The following NR2F1-AS1 variants were observed in gnomAD, a reference collection of about 807,000 sequenced individuals.
NR2F1-AS1 encodes the protein NR2F1 regulatory antisense RNA 1, also known as NR2F1 antisense RNA 1.
rs76326922 is a variant in NR2F1-AS1 at position 93,567,225 on chromosome 5, C to T, written n.314-3762G>A. Among the ~76,000 whole-genome samples, 398 of 152,068 alleles carry T rather than the reference C, an allele frequency of 2.6e-3. 2 individuals carry two copies. The highest frequency in any genetic ancestry group is 9.0e-3 in the African/African-American group (373 of 41,530). On this transcript the variant is annotated intron_variant and non_coding_transcript_variant, in intron 1 of 5. Transcript: ENST00000660523. ...GTATTTGTCAATCACATAGACAACA[C>T]CTTTTTTTTTCCTGGGTTAAACGGA...
intron 4 of NR2F1-AS1, among the ~76,000 whole-genome samples, chr5:93,523,433 T>G (rs1751545977): frequency 6.6e-6 from 1 of 152,166 alleles, no homozygotes; most frequent in African/African-American, 2.4e-5. Flanking sequence ...TTCAGCAGAC[T>G]TAAACATTCC....
intron 1 of NR2F1-AS1, among the ~76,000 whole-genome samples, chr5:93,573,604 T>G (rs1227347936): frequency 6.6e-6 from 1 of 152,172 alleles, no homozygotes; most frequent in African/African-American, 2.4e-5. Flanking sequence ...GGAGATTAAT[T>G]TCCCAGCATA....
chr5:93,536,902 G>A lies in NR2F1-AS1; in HGVS notation n.638+16859C>T, dbSNP rs145022973. Among the ~76,000 whole-genome samples the A allele has an allele frequency of 5.8e-3, 876 of 152,264 alleles. 7 individuals carry two copies. Among genetic ancestry groups the A allele is most frequent in the Non-Finnish European group, 9.2e-3 (624 of 68,018 alleles). ...TCTTTCCTGTGCTGTTCTCGAGATA[G>A]TGAGTGGGTCTCATGAGATCTGATG... is the stretch of plus-strand genomic sequence containing the variant. On this transcript the variant is annotated intron_variant and non_coding_transcript_variant, in intron 4 of 5. Coordinates refer to ENST00000660523, the Ensembl canonical transcript of NR2F1-AS1.
chr5:93,458,353 T>C (rs1749999732), intron 4 of NR2F1-AS1, among the ~76,000 whole-genome samples: 1 of 152,200 alleles, frequency 6.6e-6, no homozygotes, highest in Admixed American at 6.5e-5. Context: ...CCTAAGTTAA[T>C]GGTACAGAAT....
chr5:93,574,205 G>A (rs1254914208), intron 1 of NR2F1-AS1, among the ~76,000 whole-genome samples: 1 of 151,876 alleles, frequency 6.6e-6, no homozygotes, highest in Non-Finnish European at 1.5e-5. Flanking sequence ...AGAAGAGCAA[G>A]TGGGAGTGAG....
intron 3 of NR2F1-AS1, among the ~76,000 whole-genome samples, chr5:93,554,217 C>T (rs1325824531): frequency 6.6e-6 from 1 of 152,078 alleles, no homozygotes; most frequent in East Asian, 1.9e-4. Flanking sequence ...AACTTTATAT[C>T]CCTCATCACC....
chr5:93,476,855 A>C (rs1750496620), intron 4 of NR2F1-AS1, among the ~76,000 whole-genome samples: 2 of 152,156 alleles, frequency 1.3e-5, no homozygotes, highest in Non-Finnish European at 2.9e-5. Flanking sequence ...ACATTTCTTA[A>C]TAAGAATCTT....
chr5:93,550,111 T>C lies in NR2F1-AS1; in HGVS notation n.638+3650A>G, dbSNP rs1301506206. On this transcript the variant is annotated intron_variant and non_coding_transcript_variant, in intron 4 of 5. Coordinates refer to ENST00000660523, the Ensembl canonical transcript of NR2F1-AS1. ...CACATGTATCCCAGAACTTAAAGTA[T>C]AATTAAAAAAAAAAAAGAGTGCCCA... is the stretch of plus-strand genomic sequence containing the variant. 4.0e-5 allele frequency among the ~76,000 whole-genome samples: 6 copies of C among 148,936 alleles called. No homozygotes were observed. In the South Asian group the frequency reaches 1.3e-3, roughly 32 times the overall value.
At chr5:93,437,273 C>T (rs1043115213) in intron 4 of NR2F1-AS1, among the ~76,000 whole-genome samples, 3 of 152,042 alleles carry the variant, frequency 2.0e-5, no homozygotes, top group Non-Finnish European at 4.4e-5. Context: ...ATGTAAGATA[C>T]ACACCGGATT....
chr5:93,542,553 A>G (rs1751977212), intron 4 of NR2F1-AS1: 1 of 152,194 alleles, frequency 6.6e-6, no homozygotes, highest in African/African-American at 2.4e-5. Context: ...GAAAACCACT[A>G]GTTGAGGCCA....
intron 4 of NR2F1-AS1, among the ~76,000 whole-genome samples, chr5:93,511,000 A>T (rs1751283997): frequency 2.6e-5 from 4 of 152,150 alleles, no homozygotes; most frequent in Admixed American, 2.0e-4. Context: ...TTTTTGGCAA[A>T]ATTATTGAGA....
intron 4 of NR2F1-AS1, among the ~76,000 whole-genome samples, chr5:93,462,563 C>T (rs1443901111): frequency 6.6e-6 from 1 of 152,018 alleles, no homozygotes; most frequent in African/African-American, 2.4e-5. Context: ...ACTGGGTAAC[C>T]GGCAGAAGTT....
At chr5:93,443,540 T>C (rs1749622465) in intron 4 of NR2F1-AS1, among the ~76,000 whole-genome samples, 1 of 152,056 alleles carries the variant, frequency 6.6e-6, no homozygotes, top group Non-Finnish European at 1.5e-5. Context: ...CCAAGAAATA[T>C]GGGACTATAT....
intron 4 of NR2F1-AS1, among the ~76,000 whole-genome samples, chr5:93,531,396 G>A (rs970861527): frequency 3.9e-5 from 6 of 152,248 alleles, no homozygotes; most frequent in South Asian, 2.1e-4. Context: ...CCACCTATGC[G>A]TATCCTCATT....
chr5:93,576,323 G>C (rs1218494622), intron 1 of NR2F1-AS1, among the ~76,000 whole-genome samples: 10 of 152,024 alleles, frequency 6.6e-5, no homozygotes, highest in Admixed American at 6.5e-5. Context: ...GATGGGCTAG[G>C]TTTATTTTCC....
rs184032688 is a variant in NR2F1-AS1, at chr5:93,420,313, C to A, written n.639-24771G>T. On this transcript the variant is annotated intron_variant and non_coding_transcript_variant, in intron 4 of 5. Coordinates refer to ENST00000660523, the Ensembl canonical transcript of NR2F1-AS1. ...TAGGCAGGCCCTTCTCCAGATAGAA[C>A]GAGCATGGCAGTAAGCTGAGCTAGC... is the stretch of plus-strand genomic sequence containing the variant. Among the ~76,000 whole-genome samples, 19 of 152,270 alleles carry A rather than the reference C, an allele frequency of 1.2e-4. No homozygotes were observed. In the East Asian group the frequency reaches 3.7e-3, roughly 29 times the overall value.
intron 1 of NR2F1-AS1, among the ~76,000 whole-genome samples, chr5:93,578,552 G>A (rs1171244859): frequency 6.6e-6 from 1 of 152,132 alleles, no homozygotes; most frequent in Non-Finnish European, 1.5e-5. Context: ...CCCTGGAGAG[G>A]GCTGAGCCCC....
intron 4 of NR2F1-AS1, among the ~76,000 whole-genome samples, chr5:93,483,846 T>C (rs1397452069): frequency 6.6e-6 from 1 of 152,166 alleles, no homozygotes; most frequent in Non-Finnish European, 1.5e-5. Context: ...GAAGAAAGGA[T>C]ATCAGAGATT....
intron 4 of NR2F1-AS1, among the ~76,000 whole-genome samples, chr5:93,490,398 AGGTG>A (rs1750810180): frequency 6.6e-6 from 1 of 152,184 alleles, no homozygotes; most frequent in Non-Finnish European, 1.5e-5. Context: ...GAAGAAAGGG[AGGTG>A]GTAATGACGG....
Sources: allele counts gnomAD v4.1 joint callset (sites outside exome capture counted in the v4.1 genomes callset), GRCh38; gene constraint gnomAD v4.1.1; transcripts MANE v1.5; gene names NCBI Gene and HGNC (gene_info 2026-07-23, HGNC 2026-07-21).